The following BRINP1 variants were observed in gnomAD, a reference collection of about 807,000 sequenced individuals.
The protein encoded by BRINP1 is BMP/retinoic acid inducible neural specific 1.
BRINP1 carries 17 observed loss-of-function variants against 72.9 expected under a neutral mutation model. The observed-to-expected ratio is 0.23, with a 90% CI of 0.16 to 0.35. The LOEUF is 0.35. Ranked by LOEUF, BRINP1 falls within the 10% of genes least tolerant of loss-of-function variation. The pLI, the probability that BRINP1 is intolerant of heterozygous loss-of-function variation, is 1.00. For synonymous variants in BRINP1, 418 were observed against 378.5 expected, an observed-to-expected ratio of 1.10 and a Z score of -1.21; for missense variants, 850 against 1,001.6, an observed-to-expected ratio of 0.85 and a Z score of 2.04.
intron 7 of BRINP1, among the ~76,000 whole-genome samples, chr9:119,177,154 T>TGTTA (rs957537530): frequency 6.6e-6 from 1 of 152,324 alleles, no homozygotes; most frequent in East Asian, 1.9e-4. Context: ...ATATTTTTCT[T>TGTTA]GTTAGTTTTC....
chr9:119,180,479 ATGTGTGTGTGTGTG>A (rs112009324), intron 7 of BRINP1, among the ~76,000 whole-genome samples: 9 of 132,218 alleles, frequency 6.8e-5, no homozygotes, highest in Non-Finnish European at 1.5e-4. Context: ...CTCTCTGTGC[ATGTGTGTGTGTGTG>A]TGTGTGTGTG....
intron 2 of BRINP1, among the ~76,000 whole-genome samples, chr9:119,305,136 T>G (rs1414460682): frequency 2.6e-5 from 4 of 152,228 alleles, no homozygotes; most frequent in African/African-American, 9.7e-5. Flanking sequence ...TATATTTGAA[T>G]GGAATAGAAT....
chr9:119,360,617 TC>T (rs1309371274), intron 1 of BRINP1, among the ~76,000 whole-genome samples: 1 of 152,154 alleles, frequency 6.6e-6, no homozygotes, highest in African/African-American at 2.4e-5. Context: ...CACCACTTTT[TC>T]CCCAAAAAGC....
At chr9:119,263,799 G>T (rs553248128) in intron 2 of BRINP1, among the ~76,000 whole-genome samples, 1 of 151,646 alleles carries the variant, frequency 6.6e-6, no homozygotes, top group Non-Finnish European at 1.5e-5. Context: ...TAGTAGAGAC[G>T]GGGTTTCACC....
At chr9:119,265,312 C>A (rs1377109774) in intron 2 of BRINP1, among the ~76,000 whole-genome samples, 8 of 152,052 alleles carry the variant, frequency 5.3e-5, no homozygotes, top group Non-Finnish European at 1.2e-4. Flanking sequence ...TATAATCAGT[C>A]CTCAAGGCCA....
chr9:119,238,598 A>G, intron 5 of BRINP1, 57 bp downstream of exon 5: 1 of 1,041,620 alleles, frequency 9.6e-7, no homozygotes, highest in Non-Finnish European at 1.5e-6. Flanking sequence ...CCTCTCCCAC[A>G]TATCACATCC....
intron 2 of BRINP1, 78 bp from the exon 3 acceptor site, chr9:119,249,228 A>G: frequency 7.2e-7 from 1 of 1,397,078 alleles, no homozygotes; most frequent in East Asian, 2.4e-5. Flanking sequence ...CCATCCATCC[A>G]GGCATCTCTC....
intron 2 of BRINP1, among the ~76,000 whole-genome samples, chr9:119,251,302 C>CAA (rs897386669): frequency 5.9e-5 from 9 of 152,164 alleles, no homozygotes; most frequent in Non-Finnish European, 1.3e-4. Context: ...GTCTGGAAGA[C>CAA]TTTTCAGTTT....
chr9:119,289,382 A>G (rs182255688), intron 2 of BRINP1, among the ~76,000 whole-genome samples: 1 of 152,332 alleles, frequency 6.6e-6, no homozygotes, highest in East Asian at 1.9e-4. Flanking sequence ...GACGATGGAG[A>G]AGAGGCAAAG....
chr9:119,240,850 T>A (rs1830240219), intron 4 of BRINP1, among the ~76,000 whole-genome samples: 1 of 152,154 alleles, frequency 6.6e-6, no homozygotes, highest in Non-Finnish European at 1.5e-5. Context: ...CCTATAGATA[T>A]CTTGGAAAGT....
intron 2 of BRINP1, among the ~76,000 whole-genome samples, chr9:119,293,083 C>G (rs183867068): frequency 1.3e-5 from 2 of 152,090 alleles, no homozygotes; most frequent in Non-Finnish European, 2.9e-5. Context: ...ACATTCTGGA[C>G]TGAAGTTTCC....
rs34106507 is a variant in BRINP1, at chr9:119,237,346, C to CATT, written c.685+1306_685+1308dup. 5.1e-3 allele frequency among the ~76,000 whole-genome samples: 735 copies of CATT among 145,054 alleles called. 4 individuals are homozygous for CATT. The highest frequency in any genetic ancestry group is 0.021 in the South Asian group (92 of 4,484). On this transcript the variant is annotated intron_variant, in intron 5 of 7. Transcript: ENST00000265922. ...AATACCTGGGCATATTTTCTTGCTACATTATTATTATTATTATTATTATTA... is the reference window on the plus strand; with the variant it reads ...AATACCTGGGCATATTTTCTTGCTACATTATTATTATTATTATTATTATTATTA...
chr9:119,222,094 A>C (rs1830046739), intron 5 of BRINP1, among the ~76,000 whole-genome samples: 1 of 152,130 alleles, frequency 6.6e-6, no homozygotes, highest in Admixed American at 6.6e-5. Flanking sequence ...TTTTCCAAAC[A>C]AAGCTATAGA....
intron 2 of BRINP1, among the ~76,000 whole-genome samples, chr9:119,274,396 G>C (rs9886825): frequency 0.082 from 12,474 of 152,260 alleles, 1,744 homozygotes; most frequent in African/African-American, 0.28. Context: ...AGAGTGAACA[G>C]AGTTAAATGA....
At chr9:119,265,050 T>C (rs898780060) in intron 2 of BRINP1, among the ~76,000 whole-genome samples, 2 of 152,146 alleles carry the variant, frequency 1.3e-5, no homozygotes, top group African/African-American at 4.8e-5. Context: ...TCCATCCAAA[T>C]GTACAAACAC....
At chr9:119,365,790 G>C (rs2119047789) in intron 1 of BRINP1, among the ~76,000 whole-genome samples, 1 of 152,202 alleles carries the variant, frequency 6.6e-6, no homozygotes, top group East Asian at 1.9e-4. Flanking sequence ...GGGCCCAAGA[G>C]CTGATTTGGC....
At chr9:119,202,345 C>A (rs1829813277) in intron 7 of BRINP1, among the ~76,000 whole-genome samples, 1 of 152,138 alleles carries the variant, frequency 6.6e-6, no homozygotes, top group Admixed American at 6.6e-5. Context: ...CATTCCCATC[C>A]TGATGTGTTT....
intron 7 of BRINP1, among the ~76,000 whole-genome samples, chr9:119,179,513 C>G (rs1330088231): frequency 6.6e-6 from 1 of 152,174 alleles, no homozygotes; most frequent in Non-Finnish European, 1.5e-5. Context: ...TGGGAATGTT[C>G]TTCTTTCTCA....
intron 7 of BRINP1, among the ~76,000 whole-genome samples, chr9:119,188,580 C>T (rs1829650501): frequency 6.6e-6 from 1 of 151,878 alleles, no homozygotes; most frequent in African/African-American, 2.4e-5. Flanking sequence ...CTGGCCAACA[C>T]AGTGAGACCC....
Sources: gnomAD v4.1 joint callset for allele counts (sites outside exome capture counted in the v4.1 genomes callset) on GRCh38, gnomAD v4.1.1 for gene constraint, MANE v1.5 for transcripts, NCBI Gene and HGNC (gene_info 2026-07-23, HGNC 2026-07-21) for gene names.